PHLDB1: variants seen among roughly 807,000 people sequenced by gnomAD.
The protein encoded by PHLDB1 is pleckstrin homology-like domain family B member 1.
A neutral mutation model predicts 139.3 loss-of-function variants in PHLDB1; 65 were observed. That is an observed-to-expected ratio of 0.47 (90% CI 0.38 to 0.57). The LOEUF (loss-of-function observed/expected upper bound fraction) is 0.57. PHLDB1 is among the 20% of genes least tolerant of loss of function. The pLI is 0.00. For missense variants in PHLDB1, 1,624 were observed against 1,839.7 expected (o/e 0.88, Z 2.14); for synonymous variants, 679 against 734.5 (o/e 0.92, Z 1.22).
Position 118,632,002 on chromosome 11 carries a change from C to A in PHLDB1, c.2190C>A (p.Leu730=). The A allele has an allele frequency of 1.2e-6, 2 of 1,614,136 alleles. No homozygotes were observed. Among genetic ancestry groups the A allele is most frequent in the Non-Finnish European group, 1.7e-6 (2 of 1,179,986 alleles). ...AGGTGCTGGGGCACGTGGAGCAGCT[C>A]AAGGTCCGTGTGAAGGAGCTAGAGC... ...RAQVLGHVEQ[L]KVRVKELEQQ... The change falls in exon 8 of 23, where the codon CTC becomes CTA. Residue 730 remains leucine (L), a synonymous_variant. Coordinates refer to ENST00000600882, the MANE Select transcript of PHLDB1 (RefSeq NM_001144758.3). This position sits in a 1 kb window ranked among gnomAD's most constrained non-coding sequence, Gnocchi z 5.9.
chr11:118,613,765 C>A, intron 1 of PHLDB1, 51 bp from the exon 2 acceptor site: 1 of 1,129,510 alleles, frequency 8.9e-7, no homozygotes, highest in Non-Finnish European at 1.3e-6. Context: ...CTACTTCTTT[C>A]CCTCTCCTGC....
chr11:118,628,060 G>T lies in PHLDB1; in HGVS notation c.1237G>T (p.Glu413Ter). Residue 413 changes from glutamate (E) to a stop codon, truncating the protein, a stop_gained, in exon 6 of 23, where the codon GAG becomes TAG. Coordinates refer to ENST00000600882, the MANE Select transcript of PHLDB1 (RefSeq NM_001144758.3). LOFTEE classifies it high-confidence loss of function. ...CCCTTTCCGTGAGCCTCCAGGCAGT[G>T]AGCGGGTGCTAACAACCAGCCCCTC... Reference protein sequence around the residue: ...PSPFREPPGSERVLTTSPSRQ... With the variant: ...PSPFREPPGS The T allele has an allele frequency of 6.2e-7, 1 of 1,613,980 alleles. No homozygotes were observed. The highest frequency in any genetic ancestry group is 8.5e-7 in the Non-Finnish European group (1 of 1,180,008).
rs1282615343 is a variant in PHLDB1 at position 118,627,350 on chromosome 11, C to T, written c.527C>T (p.Ala176Val). Residue 176 changes from alanine to valine, a missense_variant, in exon 6 of 23, where the codon GCA becomes GTA. Ala to Val is a moderately conservative substitution (Grantham distance 64, BLOSUM62 0). Coordinates refer to ENST00000600882, the MANE Select transcript of PHLDB1 (RefSeq NM_001144758.3). ...AATGGGAACCACACCCCACAGACTG[C>T]AACACGGGGACCCTCTGCCTGTGCC... ...LVNGNHTPQT[A>V]TRGPSACASH... The T allele has an allele frequency of 6.2e-7, 1 of 1,613,932 alleles. No individual in the cohort carries two copies. Among genetic ancestry groups the T allele is most frequent in the Non-Finnish European group, 8.5e-7 (1 of 1,179,896 alleles).
chr11:118,650,957 G>T lies in PHLDB1; in HGVS notation c.3874+410G>T. On this transcript the variant is annotated intron_variant, in intron 20 of 22. Transcript: ENST00000600882. This position sits in a 1 kb window ranked among gnomAD's most constrained non-coding sequence, Gnocchi z 4.7. ...AGAGTTGGGCTGGGAACTCCCCCTT[G>T]GACAAATTCCATCAGAGATTCCAAG... 4.9e-6 allele frequency: 1 copy of T among 205,784 alleles called. No individual in the cohort carries two copies. The allele number at this position is 205,784 out of a possible 1,614,324, so 12.7% of individuals were successfully genotyped here. A position where few individuals can be genotyped will look rare whatever the true frequency, so the allele number is the denominator to read the frequency against.
rs147972459 is a variant in PHLDB1 at position 118,649,291 on chromosome 11, A to T, written c.3655-786A>T. Among the ~76,000 whole-genome samples, 312 of 151,002 alleles carry T rather than the reference A, an allele frequency of 2.1e-3. 1 individual carries two copies. Among genetic ancestry groups the T allele is most frequent in the Non-Finnish European group, 3.8e-3 (261 of 67,862 alleles). ...GTGAAATTCTGTCTCAGGAAAAAAA[A>T]AAAAGAAAAAAGAAGCTCTGTGAAT... On this transcript the variant is annotated intron_variant, in intron 18 of 22. Coordinates refer to ENST00000600882, the MANE Select transcript of PHLDB1 (RefSeq NM_001144758.3).
Position 118,642,863 on chromosome 11 carries a change from G to A in PHLDB1, c.2877+469G>A, listed in dbSNP as rs75492540. Among the ~76,000 whole-genome samples the A allele has an allele frequency of 5.7e-3, 863 of 152,314 alleles. 6 individuals are homozygous for A. The highest frequency in any genetic ancestry group is 0.02 in the African/African-American group (818 of 41,560). ...GTGACACTTGGAAGCAGAAAACAAA[G>A]GGCAAAGACTCTGAAGTGACAGCCT... On this transcript the variant is annotated intron_variant, in intron 13 of 22. Transcript: ENST00000600882.
In PHLDB1 at chr11:118,616,045, G is replaced by A. The variant is rs782123383; in HGVS notation, c.189G>A (p.Arg63=). 1.2e-6 allele frequency: 2 copies of A among 1,612,568 alleles called. No individual in the cohort carries two copies. Among genetic ancestry groups the A allele is most frequent in the Admixed American group, 1.7e-5 (1 of 59,900 alleles). ...CAGTTTGCCTCTTGTCTCCAGGGAGGACGGTGATTGGCTCTGCAGCCAGAG... is the reference window on the plus strand; with the variant it reads ...CAGTTTGCCTCTTGTCTCCAGGGAGAACGGTGATTGGCTCTGCAGCCAGAG... ...AITLLPLEEG[R]TVIGSAARDI... The change falls in exon 4 of 23, where the codon AGG becomes AGA. Residue 63 remains arginine (R), a synonymous_variant. Coordinates refer to ENST00000600882, the MANE Select transcript of PHLDB1 (RefSeq NM_001144758.3).
At chr11:118,614,029 C>G in intron 2 of PHLDB1, 133 bp downstream of exon 2, 1 of 635,670 alleles carries the variant, frequency 1.6e-6, no homozygotes, top group East Asian at 2.8e-5. Flanking sequence ...AGGTCCCAAG[C>G]CTATTAACAG....
intron 1 of PHLDB1, 46 bp downstream of exon 1, chr11:118,607,745 G>C (rs963597624): frequency 2.7e-5 from 4 of 148,570 alleles, no homozygotes; most frequent in African/African-American, 1.0e-4. Context: ...CATTCGCTGC[G>C]GTGCTAGGAC....
chr11:118,649,325 C>T (rs1025383755), intron 18 of PHLDB1, among the ~76,000 whole-genome samples: 3 of 151,998 alleles, frequency 2.0e-5, no homozygotes, highest in Admixed American at 6.6e-5. Context: ...ATTTTACCCC[C>T]GTGGTTGGAA....
intron 4 of PHLDB1, among the ~76,000 whole-genome samples, chr11:118,623,177 C>T (rs782723400): frequency 6.6e-6 from 1 of 152,234 alleles, no homozygotes; most frequent in Non-Finnish European, 1.5e-5. Context: ...CCAGTCTTAG[C>T]TCAGACTGGC....
intron 2 of PHLDB1, 28 bp from the exon 3 acceptor site, chr11:118,614,531 G>A: frequency 1.2e-6 from 2 of 1,612,560 alleles, no homozygotes; most frequent in Non-Finnish European, 8.5e-7. Context: ...ATCTAATGAT[G>A]CTTGTCCTCC....
intron 5 of PHLDB1, 102 bp downstream of exon 5, chr11:118,625,161 A>C: frequency 2.2e-6 from 3 of 1,352,262 alleles, no homozygotes; most frequent in Non-Finnish European, 3.0e-6. Flanking sequence ...GCAAGACAAT[A>C]CCTAAGGTCT....
At position 118,628,187 on chromosome 11, in the gene PHLDB1, G is replaced by T. The variant is rs782256423; in HGVS notation, c.1364G>T (p.Arg455Leu). 2 of 1,614,060 alleles carry T rather than the reference G, an allele frequency of 1.2e-6. No homozygotes were observed. The highest frequency in any genetic ancestry group is 1.7e-6 in the Non-Finnish European group (2 of 1,179,996). The change falls in exon 6 of 23, where the codon CGA becomes CTA. Residue 455 changes from arginine (R) to leucine (L), a missense_variant. By Grantham distance (102) the Arg-to-Leu change is moderately radical. Coordinates refer to ENST00000600882, the MANE Select transcript of PHLDB1 (RefSeq NM_001144758.3). ...GGCCGGCGGGGCCTGGACAGTATGC[G>T]AGAACTACCCCCCTTAAGTCCATCT... ...RLGRRGLDSMRELPPLSPSLS... is the reference protein window; with the variant it reads ...RLGRRGLDSMLELPPLSPSLS...
At chr11:118,624,094 T>G (rs1353671226) in intron 4 of PHLDB1, 1 of 152,090 alleles carries the variant, frequency 6.6e-6, no homozygotes, top group African/African-American at 2.4e-5. Context: ...GAGACGGAGT[T>G]TCACCATGTT....
At chr11:118,621,880 G>A (rs986833669) in intron 4 of PHLDB1, among the ~76,000 whole-genome samples, 7 of 152,084 alleles carry the variant, frequency 4.6e-5, no homozygotes, top group Non-Finnish European at 2.9e-5. Context: ...TGATAGGAAG[G>A]ACCAAGGCCC....
In PHLDB1 at chr11:118,613,823, G is replaced by A. The variant is rs1555086013; in HGVS notation, c.-14G>A. 6.2e-7 allele frequency: 1 copy of A among 1,608,134 alleles called. No individual in the cohort carries two copies. The highest frequency in any genetic ancestry group is 1.3e-5 in the African/African-American group (1 of 74,738). On this transcript the variant is annotated 5_prime_UTR_variant, in exon 2 of 23. Transcript: ENST00000600882. ...TTTCTGCTGTGTCCCTAGGAGCTCTGGAGCCTTAGGACCATGGACGCTCTC... is the reference window on the plus strand; with the variant it reads ...TTTCTGCTGTGTCCCTAGGAGCTCTAGAGCCTTAGGACCATGGACGCTCTC...
Position 118,631,957 on chromosome 11 carries a change from C to T in PHLDB1, c.2145C>T (p.Ala715=), listed in dbSNP as rs782470944. ...CCAAGCTCCAGGGAGAGGTGCTAGCCCTGGAAGAAGAGCGGGCTCAGGTGC... is the reference window on the plus strand; with the variant it reads ...CCAAGCTCCAGGGAGAGGTGCTAGCTCTGGAAGAAGAGCGGGCTCAGGTGC... ...PSTKLQGEVL[A]LEEERAQVLG... is the part of the protein sequence containing the mutation. The change falls in exon 8 of 23, where the codon GCC becomes GCT. Residue 715 remains alanine (A), a synonymous_variant. Transcript: ENST00000600882. 6.8e-6 allele frequency: 11 copies of T among 1,614,120 alleles called. No individual in the cohort carries two copies. Among genetic ancestry groups the T allele is most frequent in the African/African-American group, 1.3e-5 (1 of 75,050 alleles).
At chr11:118,623,094 C>T (rs2136002306) in intron 4 of PHLDB1, among the ~76,000 whole-genome samples, 1 of 152,344 alleles carries the variant, frequency 6.6e-6, no homozygotes, top group South Asian at 2.1e-4. Flanking sequence ...ACTCACGTGG[C>T]CTGGGATGCC....
Sources: gnomAD v4.1 joint callset for allele counts (sites outside exome capture counted in the v4.1 genomes callset) on GRCh38, gnomAD v4.1.1 for gene constraint, Gnocchi (gnomAD v3.1) non-coding constraint, MANE v1.5 for transcripts, NCBI Gene and HGNC (gene_info 2026-07-23, HGNC 2026-07-21) for gene names.